CNTN5: variants seen among roughly 807,000 people sequenced by gnomAD.
The protein encoded by CNTN5 is contactin 5.
A neutral mutation model predicts 129.1 loss-of-function variants in CNTN5; 77 were observed. The ratio of observed to expected loss-of-function variants is 0.60; its 90% CI spans 0.50 to 0.72. The LOEUF (loss-of-function observed/expected upper bound fraction) is 0.72, where lower values mean the gene tolerates loss of function less well. Among genes scored for constraint, CNTN5 ranks in the 30% least tolerant of loss-of-function variants. The pLI, the probability that CNTN5 is intolerant of heterozygous loss-of-function variation, is 0.00. For synonymous variants in CNTN5, 509 were observed against 465.6 expected (o/e 1.09, Z -1.20); for missense variants, 1,478 against 1,328.8 (o/e 1.11, Z -1.75).
intron 9 of CNTN5, among the ~76,000 whole-genome samples, chr11:100,022,210 G>A (rs1017377264): frequency 6.6e-6 from 1 of 152,150 alleles, no homozygotes; most frequent in Non-Finnish European, 1.5e-5. Flanking sequence ...TTTGCAAGGT[G>A]TATTATTTAA....
At chr11:100,272,663 G>A (rs1157236420) in intron 18 of CNTN5, among the ~76,000 whole-genome samples, 1 of 152,302 alleles carries the variant, frequency 6.6e-6, no homozygotes, top group East Asian at 1.9e-4. Context: ...AGTGGACAGA[G>A]GGAAAACACA....
intron 6 of CNTN5, among the ~76,000 whole-genome samples, chr11:99,890,646 A>G (rs1362531938): frequency 1.3e-5 from 2 of 152,122 alleles, no homozygotes; most frequent in Admixed American, 6.6e-5. Flanking sequence ...CAGAGTTCCA[A>G]ATAATTTTTG....
chr11:99,352,327 CT>C, intron 2 of CNTN5, among the ~76,000 whole-genome samples: 1 of 152,266 alleles, frequency 6.6e-6, no homozygotes, highest in Middle Eastern at 3.4e-3. Flanking sequence ...TGTAAATTGG[CT>C]GTCTCATTCA....
intron 13 of CNTN5, among the ~76,000 whole-genome samples, chr11:100,142,196 C>G (rs1946716957): frequency 6.6e-6 from 1 of 152,106 alleles, no homozygotes; most frequent in Non-Finnish European, 1.5e-5. Flanking sequence ...TGAACTGAGC[C>G]TCACTACCAG....
At chr11:99,375,044 T>A (rs780351122) in intron 2 of CNTN5, among the ~76,000 whole-genome samples, 3 of 152,140 alleles carry the variant, frequency 2.0e-5, no homozygotes, top group East Asian at 1.9e-4. Context: ...GGTTCACGCC[T>A]GTAATCCCAG....
intron 3 of CNTN5, among the ~76,000 whole-genome samples, chr11:99,819,312 C>G (rs866530111): frequency 1.2e-3 from 70 of 56,634 alleles, no homozygotes; most frequent in African/African-American, 4.1e-3. Flanking sequence ...TCCCTCCCCT[C>G]TCCTCCCCTC....
At chr11:99,414,020 A>G (rs1405868927) in intron 2 of CNTN5, among the ~76,000 whole-genome samples, 1 of 152,318 alleles carries the variant, frequency 6.6e-6, no homozygotes, top group Non-Finnish European at 1.5e-5. Context: ...TAGATATTCT[A>G]TTTGTTCAAC....
intron 8 of CNTN5, among the ~76,000 whole-genome samples, chr11:99,998,046 T>C (rs1267624284): frequency 1.3e-5 from 2 of 152,036 alleles, no homozygotes; most frequent in African/African-American, 4.8e-5. Context: ...ACAGCCAATA[T>C]CATACTGAAT....
intron 6 of CNTN5, among the ~76,000 whole-genome samples, chr11:99,853,389 T>C (rs892129307): frequency 6.7e-6 from 1 of 150,092 alleles, no homozygotes; most frequent in Non-Finnish European, 1.5e-5. Context: ...TATACGTATA[T>C]ATATTATTTG....
At chr11:99,757,690 C>G (rs1944448197) in intron 3 of CNTN5, among the ~76,000 whole-genome samples, 1 of 152,002 alleles carries the variant, frequency 6.6e-6, no homozygotes, top group African/African-American at 2.4e-5. Flanking sequence ...TTACTCTCAA[C>G]CCAATACACA....
chr11:100,188,429 T>G (rs1948370032), intron 13 of CNTN5, among the ~76,000 whole-genome samples: 1 of 152,026 alleles, frequency 6.6e-6, no homozygotes, highest in African/African-American at 2.4e-5. Flanking sequence ...AGAGTGAGAC[T>G]CTGTCTTAAA....
chr11:99,557,408 AC>A (rs1308062351), intron 3 of CNTN5, among the ~76,000 whole-genome samples: 7 of 151,314 alleles, frequency 4.6e-5, no homozygotes, highest in Admixed American at 3.3e-4. Context: ...TGGTTATATT[AC>A]TATGCAACAA....
intron 1 of CNTN5, among the ~76,000 whole-genome samples, chr11:99,305,467 G>T (rs1429983357): frequency 6.6e-6 from 1 of 152,100 alleles, no homozygotes; most frequent in Non-Finnish European, 1.5e-5. Context: ...AATAAGGAAT[G>T]AAATTTCTAG....
At chr11:100,117,356 A>G (rs544049357) in intron 13 of CNTN5, among the ~76,000 whole-genome samples, 1 of 151,980 alleles carries the variant, frequency 6.6e-6, no homozygotes, top group African/African-American at 2.4e-5. Flanking sequence ...GAAATAAATA[A>G]TGCTCTTTCC....
intron 16 of CNTN5, among the ~76,000 whole-genome samples, chr11:100,231,272 A>G (rs560273909): frequency 7.8e-4 from 119 of 152,338 alleles, no homozygotes; most frequent in Non-Finnish European, 1.4e-3. Context: ...TTTAGAGGAC[A>G]CTGTGACTAG....
At chr11:99,308,722 A>G (rs776514974) in intron 1 of CNTN5, among the ~76,000 whole-genome samples, 1 of 152,178 alleles carries the variant, frequency 6.6e-6, no homozygotes, top group Admixed American at 6.5e-5. Context: ...CATTGTTTCA[A>G]TAATGTCCCA....
intron 3 of CNTN5, among the ~76,000 whole-genome samples, chr11:99,682,297 TGAAAA>T (rs1037636099): frequency 5.9e-5 from 9 of 151,326 alleles, no homozygotes; most frequent in East Asian, 5.8e-4. Context: ...AAGTGTAAAA[TGAAAA>T]GAGAAGAGAG....
intron 6 of CNTN5, among the ~76,000 whole-genome samples, chr11:99,899,155 A>G (rs1034424732): frequency 3.9e-5 from 6 of 152,064 alleles, no homozygotes; most frequent in Non-Finnish European, 5.9e-5. Flanking sequence ...TAGGTAAACA[A>G]TCATATCTTC....
At chr11:99,694,799 A>G (rs1280940498) in intron 3 of CNTN5, among the ~76,000 whole-genome samples, 1 of 151,984 alleles carries the variant, frequency 6.6e-6, no homozygotes, top group Non-Finnish European at 1.5e-5. Flanking sequence ...CTGAGGTACC[A>G]CTTTGTAAGT....
Sources: allele counts gnomAD v4.1 joint callset (sites outside exome capture counted in the v4.1 genomes callset), GRCh38; gene constraint gnomAD v4.1.1; transcripts MANE v1.5; gene names NCBI Gene and HGNC (gene_info 2026-07-23, HGNC 2026-07-21).